The following GSE1 variants were observed in gnomAD, a reference collection of about 807,000 sequenced individuals.
GSE1 encodes the protein Gse1 coiled-coil protein.
GSE1 carries 32 observed loss-of-function variants against 112.6 expected under a neutral mutation model. That is an observed-to-expected ratio of 0.28 (90% CI 0.21 to 0.38). The LOEUF is 0.38. GSE1 is among the 10% of genes least tolerant of loss of function. The probability of loss-of-function intolerance (pLI) is 1.00; values close to 1 mark genes in which losing one functional copy is unlikely to be tolerated. For synonymous variants in GSE1, 1,115 were observed against 735.6 expected (o/e 1.52, Z -8.35); for missense variants, 2,348 against 1,699.2 (o/e 1.38, Z -6.71).
At chr16:85,591,042 C>T (rs2046982938) in intron 1 of GSE1, among the ~76,000 whole-genome samples, 1 of 152,172 alleles carries the variant, frequency 6.6e-6, no homozygotes, top group Non-Finnish European at 1.5e-5. Context: ...GTCCCGAGGG[C>T]CACCCTGCCC....
exon 1 of GSE1, chr16:85,170,560 GAGA>G (rs1418453279): frequency 3.0e-6 from 3 of 985,760 alleles, no homozygotes; most frequent in Admixed American, 6.1e-5. Flanking sequence ...CAACCCCAAA[GAGA>G]AGAACAGTGG....
At chr16:85,590,628 C>T (rs930179146) in intron 1 of GSE1, among the ~76,000 whole-genome samples, 25 of 151,728 alleles carry the variant, frequency 1.6e-4, no homozygotes, top group African/African-American at 5.6e-4. Flanking sequence ...TGTGTGAATG[C>T]GTGGGCCTGT....
chr16:85,259,794 C>T (rs888968037), intron 1 of GSE1, among the ~76,000 whole-genome samples: 1 of 152,206 alleles, frequency 6.6e-6, no homozygotes, highest in Non-Finnish European at 1.5e-5. Flanking sequence ...GCACGACATC[C>T]TGCAGTGATG....
At chr16:85,346,086 A>G (rs1352304346) in intron 1 of GSE1, among the ~76,000 whole-genome samples, 1 of 140,730 alleles carries the variant, frequency 7.1e-6, no homozygotes. Context: ...ATGGATGCAT[A>G]GATGGAGGGG....
intron 2 of GSE1, among the ~76,000 whole-genome samples, chr16:85,505,927 T>G (rs556920980): frequency 3.3e-5 from 5 of 151,624 alleles, no homozygotes; most frequent in African/African-American, 1.2e-4. Flanking sequence ...GACCTGTGAC[T>G]GCACCACTGC....
chr16:85,644,098 C>T (rs1567707186), intron 2 of GSE1, among the ~76,000 whole-genome samples: 3 of 152,056 alleles, frequency 2.0e-5, no homozygotes, highest in African/African-American at 4.8e-5. Flanking sequence ...GCAACTGAGG[C>T]GGGAGGATCG....
At chr16:85,541,953 G>A (rs557208133) in intron 2 of GSE1, among the ~76,000 whole-genome samples, 1 of 152,358 alleles carries the variant, frequency 6.6e-6, no homozygotes, top group African/African-American at 2.4e-5. Context: ...GTTTGGAGAT[G>A]TGTGGTTTTC....
At chr16:85,467,971 G>A (rs527752546) in intron 2 of GSE1, among the ~76,000 whole-genome samples, 54 of 152,302 alleles carry the variant, frequency 3.5e-4, no homozygotes, top group African/African-American at 1.1e-3. Context: ...AGAATGGGGC[G>A]TGGGAGGGGT....
intron 2 of GSE1, among the ~76,000 whole-genome samples, chr16:85,426,729 G>GATGA (rs60245531): frequency 6.6e-6 from 1 of 151,932 alleles, no homozygotes; most frequent in Non-Finnish European, 1.5e-5. Context: ...TGGATGGATG[G>GATGA]TAGATGGAAG....
At chr16:85,664,937 C>A in intron 11 of GSE1, 78 bp from the exon 12 acceptor site, 1 of 984,564 alleles carries the variant, frequency 1.0e-6, no homozygotes, top group Non-Finnish European at 1.6e-6. Context: ...CCCCTCAAGG[C>A]TCGGCTAGAA....
intron 2 of GSE1, among the ~76,000 whole-genome samples, chr16:85,404,163 GC>G (rs1326484556): frequency 9.9e-5 from 6 of 60,692 alleles, no homozygotes; most frequent in African/African-American, 1.5e-4. Flanking sequence ...TACACTCAGG[GC>G]CCCCCGGATA....
At chr16:85,568,926 C>T (rs953059371) in intron 1 of GSE1, among the ~76,000 whole-genome samples, 6 of 152,194 alleles carry the variant, frequency 3.9e-5, no homozygotes, top group African/African-American at 1.4e-4. Context: ...TGCCTCTACT[C>T]CCCTCTTAGA....
chr16:85,516,154 G>A (rs1305560812), intron 2 of GSE1, among the ~76,000 whole-genome samples: 1 of 152,136 alleles, frequency 6.6e-6, no homozygotes, highest in Non-Finnish European at 1.5e-5. Flanking sequence ...ATTGTGTCAC[G>A]TGAGCCTCAC....
chr16:85,590,446 T>G lies in GSE1; in HGVS notation c.37+34083T>G, dbSNP rs185595857. ...GCCCGCGTGTGAATGAGTGTGAGCA[T>G]GTGTGATTGTGTGAGCGTGTGTGAC... On this transcript the variant is annotated intron_variant, in intron 1 of 2. Coordinates refer to the GSE1 transcript ENST00000635906. 3.4e-3 allele frequency among the ~76,000 whole-genome samples: 488 copies of G among 142,254 alleles called. 3 individuals carry two copies. The highest frequency in any genetic ancestry group is 0.011 in the African/African-American group (465 of 40,618). 93.3% of individuals were successfully genotyped at this position (142,254 alleles called of 152,430 possible). A position where few individuals can be genotyped will look rare whatever the true frequency, so the allele number is the denominator to read the frequency against.
At position 85,376,231 on chromosome 16, in the gene GSE1, G is replaced by A. The variant is rs79484919; in HGVS notation, c.2464+18588G>A. ...GTGAGATGGCCGCAGAGAGGCCCAG[G>A]AACCAGACCCCACAGGCACATCTGA... On this transcript the variant is annotated intron_variant, in intron 2 of 2. Coordinates refer to the GSE1 transcript ENST00000637419. Among the ~76,000 whole-genome samples the A allele has an allele frequency of 3.0e-3, 455 of 152,342 alleles. 1 individual carries two copies. The highest frequency in any genetic ancestry group is 0.011 in the African/African-American group (440 of 41,566).
At chr16:85,491,500 G>C (rs2051008407) in intron 2 of GSE1, among the ~76,000 whole-genome samples, 1 of 152,168 alleles carries the variant, frequency 6.6e-6, no homozygotes. Context: ...TGACTTGGGG[G>C]GCCAGGGTGT....
chr16:85,462,573 G>C (rs1281676617), intron 2 of GSE1, among the ~76,000 whole-genome samples: 4 of 151,502 alleles, frequency 2.6e-5, no homozygotes, highest in Non-Finnish European at 4.4e-5. Flanking sequence ...TCACGGCGGA[G>C]CCTTAATTAG....
Position 85,410,960 on chromosome 16 carries a change from T to A in GSE1, c.2464+53317T>A, listed in dbSNP as rs1470128567. ...CTGTTACACTCAGGCCCCCGGATAA[T>A]CCTCACTGTTACACTCAGGGCCCCC... On this transcript the variant is annotated intron_variant, in intron 2 of 2. Transcript: ENST00000637419. Among the ~76,000 whole-genome samples, 3 of 81,132 alleles carry A rather than the reference T, an allele frequency of 3.7e-5. No individual in the cohort carries two copies. In the East Asian group the frequency reaches 1.0e-3, roughly 28 times the overall value. 53.2% of individuals were successfully genotyped at this position (81,132 alleles called of 152,430 possible).
At chr16:85,648,830 C>A in intron 3 of GSE1, 79 bp downstream of exon 3, 2 of 800,728 alleles carry the variant, frequency 2.5e-6, no homozygotes, top group Non-Finnish European at 3.8e-6. Flanking sequence ...GGCTCTGGAG[C>A]TTTCGAGGTT....
Sources: allele counts gnomAD v4.1 joint callset (sites outside exome capture counted in the v4.1 genomes callset), GRCh38; gene constraint gnomAD v4.1.1; transcripts MANE v1.5; gene names NCBI Gene and HGNC (gene_info 2026-07-23, HGNC 2026-07-21).